WDPCP: variants seen among roughly 807,000 people sequenced by gnomAD.
WDPCP encodes WD repeat containing planar cell polarity effector.
A neutral mutation model predicts 93.1 loss-of-function variants in WDPCP; 71 were observed. The ratio of observed to expected loss-of-function variants is 0.76; its 90% confidence interval spans 0.63 to 0.93. The LOEUF is 0.93. WDPCP is among the 40% of genes least tolerant of loss of function. WDPCP has a pLI of 0.00. For missense variants in WDPCP, 844 were observed against 887.4 expected, an observed-to-expected ratio of 0.95 and a Z score of 0.62; for synonymous variants, 315 against 315.0, an observed-to-expected ratio of 1.00 and a Z score of 0.00.
chr2:63,151,628 A>G (rs1052110284), intron 17 of WDPCP, among the ~76,000 whole-genome samples: 1 of 152,176 alleles, frequency 6.6e-6, no homozygotes, highest in Non-Finnish European at 1.5e-5. Flanking sequence ...CAAATTAAAC[A>G]AATTCTTAGG....
intron 13 of WDPCP, among the ~76,000 whole-genome samples, chr2:63,296,612 C>T (rs1301970381): frequency 6.6e-6 from 1 of 152,124 alleles, no homozygotes; most frequent in African/African-American, 2.4e-5. Context: ...AATACAAAAT[C>T]AACATACAGA....
intron 13 of WDPCP, among the ~76,000 whole-genome samples, chr2:63,265,868 C>A (rs572668378): frequency 5.5e-4 from 83 of 152,190 alleles, no homozygotes; most frequent in African/African-American, 2.0e-3. Flanking sequence ...ATATATAAAT[C>A]AATAAGTGTG....
At chr2:63,300,141 T>C (rs4671477) in intron 13 of WDPCP, among the ~76,000 whole-genome samples, 121,503 of 151,486 alleles carry the variant, frequency 0.8, 49,623 homozygotes, top group East Asian at 0.96. Flanking sequence ...TGGCCCTTTC[T>C]GCTAGGAGAC....
chr2:63,616,335 A>G (rs919960697), intron 3 of WDPCP, among the ~76,000 whole-genome samples: 2 of 152,198 alleles, frequency 1.3e-5, no homozygotes, highest in Non-Finnish European at 2.9e-5. Flanking sequence ...CTCCTGTTTT[A>G]GGAAAGAAAA....
At position 63,466,045 on chromosome 2, in the gene WDPCP, G is replaced by A. The variant is rs536877182; in HGVS notation, c.384+18559C>T. On this transcript the variant is annotated intron_variant, in intron 6 of 17. Coordinates refer to ENST00000272321, the MANE Select transcript of WDPCP (RefSeq NM_015910.7). ...AGGTCTAGGTGGAAGACTTGGCTCAGATAAAACAAGGGACTGTTCTATTAT... is the reference window on the plus strand; with the variant it reads ...AGGTCTAGGTGGAAGACTTGGCTCAAATAAAACAAGGGACTGTTCTATTAT... Among the ~76,000 whole-genome samples the A allele has an allele frequency of 5.3e-5, 8 of 152,190 alleles. No homozygotes were observed. In the South Asian group the frequency reaches 1.5e-3, roughly 28 times the overall value.
Position 63,641,279 on chromosome 2 carries a change from T to A in WDPCP, n.488+9380A>T, listed in dbSNP as rs118111283. Among the ~76,000 whole-genome samples, 110 of 152,334 alleles carry A rather than the reference T, an allele frequency of 7.2e-4. 3 individuals carry two copies. The East Asian group carries it at 0.02, about 27-fold the overall frequency. On this transcript the variant is annotated intron_variant and non_coding_transcript_variant, in intron 3 of 4. Coordinates refer to the WDPCP transcript ENST00000467687. ...ATTGTGAACAGTGCTACAATAAACA[T>A]GAGAGTGCAGATATCTCTTCAATAT...
chr2:63,464,321 T>C (rs1170193049), intron 6 of WDPCP, among the ~76,000 whole-genome samples: 2 of 152,072 alleles, frequency 1.3e-5, no homozygotes, highest in African/African-American at 4.8e-5. Context: ...GAAATACTAC[T>C]TCATAGCTTG....
intron 14 of WDPCP, among the ~76,000 whole-genome samples, chr2:63,214,247 A>G (rs1053499399): frequency 1.3e-5 from 2 of 152,228 alleles, no homozygotes; most frequent in East Asian, 1.9e-4. Context: ...AACCGAATCC[A>G]GCCGCACATC....
At chr2:63,463,615 A>T (rs942564562) in intron 6 of WDPCP, among the ~76,000 whole-genome samples, 1 of 152,190 alleles carries the variant, frequency 6.6e-6, no homozygotes, top group African/African-American at 2.4e-5. Context: ...AATCAAAAAC[A>T]GTGTGGTTCT....
intron 10 of WDPCP, among the ~76,000 whole-genome samples, chr2:63,388,044 C>A (rs952890050): frequency 4.6e-5 from 7 of 152,124 alleles, no homozygotes; most frequent in African/African-American, 1.7e-4. Flanking sequence ...AATGACTTTA[C>A]TGCCCAAAGC....
Position 63,120,687 on chromosome 2 carries a change from C to T in WDPCP, c.*1319G>A, listed in dbSNP as rs977552040. Among the ~76,000 whole-genome samples the T allele has an allele frequency of 1.1e-4, 16 of 148,194 alleles. No individual in the cohort carries two copies. The highest frequency in any genetic ancestry group is 4.3e-4 in the South Asian group (2 of 4,668). On this transcript the variant is annotated 3_prime_UTR_variant, in exon 18 of 18. Transcript: ENST00000272321. ...GACTACAGGTGCACGCCACCACGCC[C>T]GGCTAATTTTTTTTTTTTTTGTATT...
At chr2:63,225,256 G>C (rs964678170) in intron 14 of WDPCP, among the ~76,000 whole-genome samples, 1 of 151,802 alleles carries the variant, frequency 6.6e-6, no homozygotes, top group Non-Finnish European at 1.5e-5. Context: ...CAAAAGTCTT[G>C]AAAGGGCACC....
At chr2:63,563,791 A>G (rs1558813596) in intron 1 of WDPCP, among the ~76,000 whole-genome samples, 1 of 152,146 alleles carries the variant, frequency 6.6e-6, no homozygotes, top group Non-Finnish European at 1.5e-5. Flanking sequence ...TCTACCACAC[A>G]GCAAGAAGGA....
intron 8 of WDPCP, 142 bp from the exon 9 acceptor site, chr2:63,434,078 G>A: frequency 1.2e-6 from 1 of 803,164 alleles, no homozygotes; most frequent in South Asian, 1.8e-5. Context: ...GAAGGTGTCA[G>A]AATTTACCAA....
intron 1 of WDPCP, among the ~76,000 whole-genome samples, chr2:63,544,047 T>G (rs1233989816): frequency 2.6e-5 from 4 of 152,148 alleles, no homozygotes; most frequent in African/African-American, 9.6e-5. Context: ...TAGGTCCCCA[T>G]TTAAATCCCA....
At chr2:63,150,107 A>T (rs1671788440) in intron 17 of WDPCP, among the ~76,000 whole-genome samples, 2 of 152,198 alleles carry the variant, frequency 1.3e-5, no homozygotes, top group Admixed American at 1.3e-4. Flanking sequence ...TAGATGGAAG[A>T]AGAAATGTAA....
intron 1 of WDPCP, among the ~76,000 whole-genome samples, chr2:63,548,460 A>AG (rs1443851389): frequency 2.0e-5 from 3 of 152,150 alleles, no homozygotes; most frequent in Non-Finnish European, 4.4e-5. Context: ...AATGGCAATC[A>AG]GAAAAAAAAA....
At chr2:63,823,376 C>T (rs113539110) in intron 1 of WDPCP, among the ~76,000 whole-genome samples, 11 of 152,056 alleles carry the variant, frequency 7.2e-5, no homozygotes, top group East Asian at 5.8e-4. Context: ...CGTGGTTGCA[C>T]GCACCTGTAG....
chr2:63,279,095 A>G (rs1683311103), intron 13 of WDPCP, among the ~76,000 whole-genome samples: 5 of 152,232 alleles, frequency 3.3e-5, no homozygotes, highest in Admixed American at 1.3e-4. Context: ...ACTATTGCAG[A>G]GGATAGGGAA....
Sources: allele counts gnomAD v4.1 joint callset (sites outside exome capture counted in the v4.1 genomes callset), GRCh38; gene constraint gnomAD v4.1.1; transcripts MANE v1.5; gene names NCBI Gene and HGNC (gene_info 2026-07-23, HGNC 2026-07-21).